AATF: variants seen among roughly 807,000 people sequenced by gnomAD.
AATF encodes apoptosis antagonizing transcription factor, also known as protein AATF.
In AATF, 48 loss-of-function variants were observed where a neutral mutation model predicts 63.7. That is an observed-to-expected ratio of 0.75 (90% CI 0.60 to 0.96). The LOEUF (loss-of-function observed/expected upper bound fraction) is 0.96. Ranked by LOEUF, AATF falls within the 40% of genes least tolerant of loss-of-function variation. AATF has a pLI of 0.00. For missense variants in AATF, 639 were observed against 685.7 expected (o/e 0.93, Z 0.76); for synonymous variants, 258 against 247.7 (o/e 1.04, Z -0.39).
intron 8 of AATF, among the ~76,000 whole-genome samples, chr17:37,005,541 C>A (rs2071335159): frequency 6.6e-6 from 1 of 152,184 alleles, no homozygotes; most frequent in African/African-American, 2.4e-5. Flanking sequence ...GTTAGTACTA[C>A]CCTTTCAGTT....
chr17:37,001,564 C>T (rs1006502872), intron 8 of AATF, among the ~76,000 whole-genome samples: 1 of 151,710 alleles, frequency 6.6e-6, no homozygotes, highest in Non-Finnish European at 1.5e-5. Flanking sequence ...TGTATTATAA[C>T]ATATCAATAG....
At chr17:36,997,487 T>A (rs185408296) in intron 8 of AATF, among the ~76,000 whole-genome samples, 71 of 152,310 alleles carry the variant, frequency 4.7e-4, no homozygotes, top group South Asian at 1.2e-3. Context: ...TCAGCATCGC[T>A]AATGATCAGG....
At chr17:37,043,551 G>A (rs1362274058) in intron 11 of AATF, among the ~76,000 whole-genome samples, 3 of 152,176 alleles carry the variant, frequency 2.0e-5, no homozygotes, top group Non-Finnish European at 1.5e-5. Context: ...TTCTTGCTAA[G>A]TATGTTAACT....
chr17:37,036,568 C>A (rs1001782654), intron 11 of AATF, among the ~76,000 whole-genome samples: 2 of 151,846 alleles, frequency 1.3e-5, no homozygotes, highest in African/African-American at 4.8e-5. Context: ...TCTTTTCTCA[C>A]GCTAAGAATT....
intron 8 of AATF, among the ~76,000 whole-genome samples, chr17:37,018,625 G>A (rs900859973): frequency 6.6e-6 from 1 of 152,166 alleles, no homozygotes; most frequent in Non-Finnish European, 1.5e-5. Flanking sequence ...AGAAGCTGAT[G>A]CATTTCCCTT....
intron 1 of AATF, 43 bp downstream of exon 1, chr17:36,949,259 A>G: frequency 6.5e-7 from 1 of 1,543,070 alleles, no homozygotes; most frequent in Non-Finnish European, 8.8e-7. Flanking sequence ...GCGGTGGGCC[A>G]GGCCCTGTGG....
At position 37,056,754 on chromosome 17, in the gene AATF, T is replaced by C; in HGVS notation, c.*90T>C. 7.2e-7 allele frequency: 1 copy of C among 1,394,142 alleles called. No homozygotes were observed. The highest frequency in any genetic ancestry group is 2.3e-5 in the East Asian group (1 of 43,464). The allele number at this position is 1,394,142 out of a possible 1,614,324, so 86.4% of individuals were successfully genotyped here. A position where few individuals can be genotyped will look rare whatever the true frequency, so the allele number is the denominator to read the frequency against. On this transcript the variant is annotated 3_prime_UTR_variant, in exon 12 of 12. Coordinates refer to ENST00000619387, the MANE Select transcript of AATF (RefSeq NM_012138.4). ...AACCAGTGACTTTATGGGGCTGAGC[T>C]AGTAGGGAAGCCCCTGGAAAGATGC...
chr17:36,971,001 A>G (rs970775548), intron 4 of AATF, among the ~76,000 whole-genome samples: 8 of 152,218 alleles, frequency 5.3e-5, no homozygotes, highest in African/African-American at 7.2e-5. Context: ...AGAAAACTCT[A>G]TGTCATTGGG....
chr17:37,003,471 CTTTTTTTTTTTT>C (rs1163393533), intron 8 of AATF, among the ~76,000 whole-genome samples: 6 of 96,636 alleles, frequency 6.2e-5, no homozygotes, highest in Non-Finnish European at 1.2e-4. Context: ...TTGACAAGAA[CTTTTTTTTTTTT>C]TTTTTTTTTT....
At chr17:37,041,693 C>T (rs141618332) in intron 11 of AATF, among the ~76,000 whole-genome samples, 1,630 of 152,154 alleles carry the variant, frequency 0.011, 36 homozygotes, top group African/African-American at 0.037. Context: ...TTAGTAGAGA[C>T]GGGGTATTGC....
At chr17:37,021,816 A>AT (rs1308954345) in intron 10 of AATF, among the ~76,000 whole-genome samples, 2 of 80,912 alleles carry the variant, frequency 2.5e-5, no homozygotes, top group Non-Finnish European at 4.3e-5. Flanking sequence ...AAAAAAAAAA[A>AT]AAAAATAATA....
intron 11 of AATF, among the ~76,000 whole-genome samples, chr17:37,043,960 A>C (rs1398985670): frequency 6.6e-6 from 1 of 152,230 alleles, no homozygotes; most frequent in Non-Finnish European, 1.5e-5. Context: ...TTGTGTTTTC[A>C]CATCTGTGTA....
intron 7 of AATF, 55 bp from the exon 8 acceptor site, chr17:36,990,719 A>G (rs2071207360): frequency 3.8e-6 from 4 of 1,042,588 alleles, no homozygotes; most frequent in East Asian, 2.6e-5. Context: ...TAGTAGCTAC[A>G]TTAGTTAGAT....
chr17:36,969,030 A>G (rs1484812470), intron 4 of AATF, among the ~76,000 whole-genome samples: 1 of 151,922 alleles, frequency 6.6e-6, no homozygotes, highest in African/African-American at 2.4e-5. Context: ...GTAACATGTT[A>G]CATGTTTTTC....
chr17:37,036,592 G>A (rs756215043), intron 11 of AATF, among the ~76,000 whole-genome samples: 3 of 151,590 alleles, frequency 2.0e-5, no homozygotes, highest in South Asian at 4.2e-4. Context: ...CTCTTCAAGC[G>A]ATCTATTTTT....
chr17:36,969,403 G>T (rs1054732178), intron 4 of AATF, among the ~76,000 whole-genome samples: 1 of 152,134 alleles, frequency 6.6e-6, no homozygotes, highest in Non-Finnish European at 1.5e-5. Flanking sequence ...CCTCTCTTTA[G>T]CTCTCTTCAA....
At chr17:37,019,831 A>C (rs1239334004) in intron 9 of AATF, among the ~76,000 whole-genome samples, 1 of 152,198 alleles carries the variant, frequency 6.6e-6, no homozygotes, top group African/African-American at 2.4e-5. Flanking sequence ...TAGGATGTTG[A>C]TATTTCGTTT....
At chr17:37,013,883 A>G (rs923071501) in intron 8 of AATF, among the ~76,000 whole-genome samples, 2 of 152,152 alleles carry the variant, frequency 1.3e-5, no homozygotes, top group Admixed American at 6.6e-5. Flanking sequence ...TGCCTTGAAT[A>G]TATAAAATAA....
Position 37,018,987 on chromosome 17 carries a change from C to T in AATF, c.1399-18C>T, listed in dbSNP as rs1013728251. 3.1e-6 allele frequency: 5 copies of T among 1,611,332 alleles called. No homozygotes were observed. The African/African-American group carries it at 6.7e-5, about 21-fold the overall frequency. ...TGGAAGATGATAAATAAATTCGTTG[C>T]TTTCCTTTTTCCCCTAGCTCCTTCG... On this transcript the variant is annotated intron_variant, in intron 8 of 11. Coordinates refer to ENST00000619387, the MANE Select transcript of AATF (RefSeq NM_012138.4).
Sources: allele counts gnomAD v4.1 joint callset (sites outside exome capture counted in the v4.1 genomes callset), GRCh38; gene constraint gnomAD v4.1.1; transcripts MANE v1.5; gene names NCBI Gene and HGNC (gene_info 2026-07-23, HGNC 2026-07-21).